The following TRPM3 variants were observed in gnomAD, a reference collection of about 807,000 sequenced individuals.
TRPM3 encodes transient receptor potential cation channel subfamily M member 3, also known as long transient receptor potential channel 3.
TRPM3 carries 77 observed loss-of-function variants against 181.2 expected under a neutral mutation model. The observed-to-expected ratio is 0.42, with a 90% CI of 0.35 to 0.51. The LOEUF (loss-of-function observed/expected upper bound fraction) is 0.51. Among genes scored for constraint, TRPM3 ranks in the 20% least tolerant of loss-of-function variants. The probability of loss-of-function intolerance (pLI) is 0.01; values close to 1 mark genes in which losing one functional copy is unlikely to be tolerated. For synonymous variants in TRPM3, 745 were observed against 796.4 expected, an observed-to-expected ratio of 0.94 and a Z score of 1.09; for missense variants, 1,759 against 2,196.7, an observed-to-expected ratio of 0.80 and a Z score of 3.98.
intron 16 of TRPM3, 146 bp downstream of exon 16, chr9:70,619,930 G>A: frequency 1.4e-6 from 1 of 730,304 alleles, no homozygotes; most frequent in South Asian, 2.0e-5. Context: ...CACAATAAAG[G>A]GGAATTGTTT....
intron 1 of TRPM3, among the ~76,000 whole-genome samples, chr9:71,035,581 A>C (rs2058079388): frequency 6.6e-6 from 1 of 151,994 alleles, no homozygotes; most frequent in South Asian, 2.1e-4. Flanking sequence ...GCCAGGCTTG[A>C]TAGCACATGC....
intron 9 of TRPM3, among the ~76,000 whole-genome samples, chr9:70,654,495 CAT>C (rs1432091485): frequency 1.3e-5 from 2 of 151,994 alleles, no homozygotes; most frequent in African/African-American, 2.4e-5. Flanking sequence ...GAAACTGAGA[CAT>C]ATAAGAGGGT....
At chr9:71,215,061 A>C (rs2079775953) in intron 1 of TRPM3, among the ~76,000 whole-genome samples, 1 of 149,856 alleles carries the variant, frequency 6.7e-6, no homozygotes, top group South Asian at 2.1e-4. Context: ...AAAAAAAAAA[A>C]ACAACAACCC....
At chr9:70,866,855 T>C (rs1382532266) in intron 1 of TRPM3, among the ~76,000 whole-genome samples, 1 of 152,032 alleles carries the variant, frequency 6.6e-6, no homozygotes, top group East Asian at 1.9e-4. Context: ...TATCCATTTT[T>C]CCAGTGAAGA....
intron 1 of TRPM3, among the ~76,000 whole-genome samples, chr9:71,022,162 C>G (rs1203990517): frequency 2.0e-5 from 3 of 152,080 alleles, no homozygotes; most frequent in Non-Finnish European, 4.4e-5. Context: ...CTACATTAAT[C>G]AGGAAAATAT....
intron 1 of TRPM3, among the ~76,000 whole-genome samples, chr9:70,983,850 T>C (rs1280644749): frequency 6.6e-6 from 1 of 152,202 alleles, no homozygotes; most frequent in Non-Finnish European, 1.5e-5. Flanking sequence ...ACAAAGATAT[T>C]GTTTGGCTTC....
intron 1 of TRPM3, among the ~76,000 whole-genome samples, chr9:71,257,444 G>T (rs76714702): frequency 4.6e-5 from 7 of 152,054 alleles, no homozygotes; most frequent in Non-Finnish European, 1.0e-4. Context: ...AAAATATAGC[G>T]ATTTCAGTGC....
intron 22 of TRPM3, among the ~76,000 whole-genome samples, chr9:70,564,951 T>C (rs2050163254): frequency 6.6e-6 from 1 of 152,218 alleles, no homozygotes; most frequent in Non-Finnish European, 1.5e-5. Flanking sequence ...CTCTCTGATC[T>C]GCAGGCACTA....
At chr9:70,549,003 C>G (rs1217379745) in intron 25 of TRPM3, among the ~76,000 whole-genome samples, 1 of 151,010 alleles carries the variant, frequency 6.6e-6, no homozygotes, top group Non-Finnish European at 1.5e-5. Flanking sequence ...TTTTTTTTTG[C>G]TTTCATCTTG....
At chr9:71,259,962 A>G (rs1437689776) in intron 1 of TRPM3, among the ~76,000 whole-genome samples, 2 of 152,210 alleles carry the variant, frequency 1.3e-5, no homozygotes, top group African/African-American at 4.8e-5. Context: ...GCCCATGCCT[A>G]TCTCCTAAAT....
At chr9:70,850,888 G>A (rs2095200709) in intron 3 of TRPM3, among the ~76,000 whole-genome samples, 1 of 152,152 alleles carries the variant, frequency 6.6e-6, no homozygotes, top group Non-Finnish European at 1.5e-5. Context: ...TCACTTTAAA[G>A]AACCTCAATT....
At chr9:70,852,041 C>T (rs1490259164) in intron 3 of TRPM3, among the ~76,000 whole-genome samples, 4 of 145,576 alleles carry the variant, frequency 2.7e-5, no homozygotes, top group African/African-American at 1.0e-4. Flanking sequence ...ATCACTTGAA[C>T]CCAGGAGGTG....
At chr9:71,141,051 A>G (rs549256451) in intron 1 of TRPM3, among the ~76,000 whole-genome samples, 14 of 152,346 alleles carry the variant, frequency 9.2e-5, no homozygotes, top group Non-Finnish European at 1.8e-4. Flanking sequence ...GATTATGCAT[A>G]TCACATTTTT....
intron 22 of TRPM3, among the ~76,000 whole-genome samples, chr9:70,573,646 A>C (rs1228498834): frequency 1.3e-5 from 2 of 152,162 alleles, no homozygotes; most frequent in African/African-American, 4.8e-5. Flanking sequence ...AAAAACCTTG[A>C]ATTTCCAAGG....
At chr9:70,798,775 C>A (rs550649610) in intron 6 of TRPM3, among the ~76,000 whole-genome samples, 1 of 152,294 alleles carries the variant, frequency 6.6e-6, no homozygotes, top group African/African-American at 2.4e-5. Flanking sequence ...TACCTCAACA[C>A]TGTTGGAAGG....
chr9:70,986,814 A>C (rs974271989), intron 1 of TRPM3, among the ~76,000 whole-genome samples: 5 of 152,116 alleles, frequency 3.3e-5, no homozygotes, highest in African/African-American at 1.2e-4. Context: ...ACCTCAGAGG[A>C]GGACACGGTA....
chr9:70,917,422 A>T, intron 1 of TRPM3: 2 of 824,510 alleles, frequency 2.4e-6, no homozygotes. Context: ...CCACCTGCTC[A>T]GAAATGAACT....
At chr9:70,700,979 C>G (rs1488214506) in intron 8 of TRPM3, among the ~76,000 whole-genome samples, 1 of 152,186 alleles carries the variant, frequency 6.6e-6, no homozygotes, top group East Asian at 1.9e-4. Flanking sequence ...ATGTTCAAAT[C>G]ACATTTACCA....
intron 19 of TRPM3, among the ~76,000 whole-genome samples, chr9:70,609,838 A>G (rs1030247573): frequency 6.6e-6 from 1 of 152,098 alleles, no homozygotes; most frequent in East Asian, 1.9e-4. Flanking sequence ...CAGATGCACT[A>G]TCCTTCATCT....
Sources: allele counts gnomAD v4.1 joint callset (sites outside exome capture counted in the v4.1 genomes callset), GRCh38; gene constraint gnomAD v4.1.1; transcripts MANE v1.5; gene names NCBI Gene and HGNC (gene_info 2026-07-23, HGNC 2026-07-21).